The following GALNT7 variants were observed in gnomAD, a reference collection of about 807,000 sequenced individuals.
GALNT7 encodes the protein N-acetylgalactosaminyltransferase 7.
Under a neutral mutation model 82.1 loss-of-function variants are expected in GALNT7, and 60 were observed. That is an observed-to-expected ratio of 0.73 (90% CI 0.59 to 0.91). The LOEUF (loss-of-function observed/expected upper bound fraction) is 0.91. GALNT7 is among the 40% of genes least tolerant of loss of function. GALNT7 has a pLI of 0.00. For missense variants in GALNT7, 660 were observed against 804.2 expected (o/e 0.82, Z 2.17); for synonymous variants, 243 against 275.1 (o/e 0.88, Z 1.15).
At chr4:173,193,911 G>A (rs950127260) in intron 1 of GALNT7, among the ~76,000 whole-genome samples, 3 of 152,076 alleles carry the variant, frequency 2.0e-5, no homozygotes, top group Admixed American at 6.5e-5. Context: ...TTTTTAAAAG[G>A]AGGCTAAATA....
At chr4:173,319,787 A>G (rs1392658211) in intron 11 of GALNT7, among the ~76,000 whole-genome samples, 4 of 152,190 alleles carry the variant, frequency 2.6e-5, no homozygotes, top group Non-Finnish European at 5.9e-5. Flanking sequence ...GCACGCTATT[A>G]TATAATGGCA....
At chr4:173,293,564 A>G (rs1002290111) in intron 3 of GALNT7, among the ~76,000 whole-genome samples, 2 of 152,254 alleles carry the variant, frequency 1.3e-5, no homozygotes. Context: ...CTAAATGCAT[A>G]TAAAAGGAGC....
intron 1 of GALNT7, among the ~76,000 whole-genome samples, chr4:173,186,569 C>T (rs1453528460): frequency 6.6e-6 from 1 of 152,022 alleles, no homozygotes; most frequent in Non-Finnish European, 1.5e-5. Flanking sequence ...TGGATGAGCA[C>T]CATAATTTGT....
chr4:173,318,619 A>T lies in GALNT7; in HGVS notation c.1836+60A>T, dbSNP rs747168871. ...CTTTTCATTTTCAGTAACATCTAGC[A>T]TGTGGAATTTAGATAAATAAATCTT... On this transcript the variant is annotated intron_variant, in intron 11 of 11. Transcript: ENST00000265000. 2.8e-6 allele frequency: 3 copies of T among 1,057,066 alleles called. No individual in the cohort carries two copies. The South Asian group carries it at 4.2e-5, about 15-fold the overall frequency. 65.5% of individuals were successfully genotyped at this position (1,057,066 alleles called of 1,614,324 possible). A position where few individuals can be genotyped will look rare whatever the true frequency, so the allele number is the denominator to read the frequency against.
At chr4:173,313,475 G>T (rs1446517972) in intron 8 of GALNT7, among the ~76,000 whole-genome samples, 2 of 151,438 alleles carry the variant, frequency 1.3e-5, no homozygotes, top group Non-Finnish European at 1.5e-5. Flanking sequence ...GGAAGCTGAG[G>T]TGAGAGGATC....
intron 1 of GALNT7, among the ~76,000 whole-genome samples, chr4:173,189,153 CCT>C (rs1433878165): frequency 3.9e-5 from 6 of 152,276 alleles, no homozygotes; most frequent in African/African-American, 1.4e-4. Context: ...CATCTGAACA[CCT>C]CTCACTGATC....
At chr4:173,249,778 T>A (rs951979005) in intron 2 of GALNT7, among the ~76,000 whole-genome samples, 2 of 152,222 alleles carry the variant, frequency 1.3e-5, no homozygotes, top group African/African-American at 4.8e-5. Flanking sequence ...GTTCTGTGTT[T>A]TATCTGGCAG....
chr4:173,312,217 T>G (rs1737411752), intron 8 of GALNT7, among the ~76,000 whole-genome samples: 1 of 152,262 alleles, frequency 6.6e-6, no homozygotes, highest in Admixed American at 6.5e-5. Flanking sequence ...CATTTAGTGT[T>G]GCTACAACAG....
At position 173,285,641 on chromosome 4, in the gene GALNT7, C is replaced by T. The variant is rs138682815; in HGVS notation, c.588-6467C>T. Among the ~76,000 whole-genome samples the T allele has an allele frequency of 2.0e-3, 305 of 152,258 alleles. 1 individual carries two copies. The highest frequency in any genetic ancestry group is 6.3e-3 in the African/African-American group (260 of 41,528). ...TACTGCAAAATATTTTATTTCAGTG[C>T]TTATTATTCTTAGGCCAATTAATTG... is the stretch of plus-strand genomic sequence containing the variant. On this transcript the variant is annotated intron_variant, in intron 2 of 11. Coordinates refer to ENST00000265000, the MANE Select transcript of GALNT7 (RefSeq NM_017423.3).
chr4:173,168,941 A>C lies in GALNT7; in HGVS notation c.106A>C (p.Ser36Arg). 6.2e-7 allele frequency: 1 copy of C among 1,613,520 alleles called. No homozygotes were observed. The highest frequency in any genetic ancestry group is 8.5e-7 in the Non-Finnish European group (1 of 1,179,694). The part of the protein sequence containing the change: ...SSLTPRPDDP[S>R]PLSRMREDRD... ...CCTGACCCCGCGGCCGGACGACCCA[A>C]GCCCGCTGAGCAGGATGAGGGTGAG... The change falls in exon 1 of 12, where the codon AGC becomes CGC. Residue 36 changes from serine to arginine, a missense_variant. This residue lies in a region of GALNT7 where 133 missense variants were observed against 120.7 expected (regional missense o/e 1.10). Coordinates refer to ENST00000265000, the MANE Select transcript of GALNT7 (RefSeq NM_017423.3).
Position 173,248,350 on chromosome 4 carries a change from T to G in GALNT7, c.497T>G (p.Ile166Ser). The G allele has an allele frequency of 6.2e-7, 1 of 1,613,832 alleles. No homozygotes were observed. Among genetic ancestry groups the G allele is most frequent in the Non-Finnish European group, 8.5e-7 (1 of 1,179,814 alleles). The change falls in exon 2 of 12, where the codon ATT (isoleucine) becomes AGT (serine). Residue 166 changes from isoleucine (I) to serine (S), a missense_variant. By Grantham distance (142) the Ile-to-Ser change is moderately radical. This residue lies in a region of GALNT7 where 527 missense variants were observed against 683.5 expected (regional missense o/e 0.77). Transcript: ENST00000265000. ...TTGGGACCAGAATTCAAACAAGCAA[T>G]TCAAGCCAGCATTAAAGAGTTTGGA... is the stretch of plus-strand genomic sequence containing the variant. ...LVLGPEFKQA[I>S]QASIKEFGFN...
At chr4:173,239,483 T>TA (rs1217842834) in intron 1 of GALNT7, among the ~76,000 whole-genome samples, 2 of 152,172 alleles carry the variant, frequency 1.3e-5, no homozygotes, top group African/African-American at 4.8e-5. Flanking sequence ...AACATACAGA[T>TA]ACTAAGGCAA....
intron 1 of GALNT7, among the ~76,000 whole-genome samples, chr4:173,183,936 AG>A (rs1241072650): frequency 4.6e-5 from 7 of 150,786 alleles, no homozygotes; most frequent in African/African-American, 1.7e-4. Context: ...GCGGCCAGGC[AG>A]AGACGCTCCT....
At position 173,292,103 on chromosome 4, in the gene GALNT7, T is replaced by C. The variant is rs748878981; in HGVS notation, c.588-5T>C. On this transcript the variant is annotated splice_polypyrimidine_tract_variant and splice_region_variant and intron_variant, in intron 2 of 11. Transcript: ENST00000265000. The surrounding 1 kb of genome is among the most constrained non-coding windows in gnomAD (Gnocchi z 4.8). ...AATAAATATGATGAAATTTTCTCTT[T>C]ACAGATGCAAGTATTGGCATTATGA... The C allele has an allele frequency of 1.3e-6, 2 of 1,596,986 alleles. No individual in the cohort carries two copies. Among genetic ancestry groups the C allele is most frequent in the Non-Finnish European group, 1.7e-6 (2 of 1,168,558 alleles).
intron 8 of GALNT7, among the ~76,000 whole-genome samples, chr4:173,312,470 T>C (rs563030492): frequency 1.1e-4 from 17 of 152,182 alleles, no homozygotes; most frequent in Non-Finnish European, 2.4e-4. Context: ...ACGAATCCAC[T>C]TCTGTGAGAG....
chr4:173,269,307 T>C (rs1405247687), intron 2 of GALNT7, among the ~76,000 whole-genome samples: 1 of 152,252 alleles, frequency 6.6e-6, no homozygotes, highest in Admixed American at 6.5e-5. Context: ...TTATTATATG[T>C]TCCGCCCATA....
chr4:173,242,674 A>T (rs1734476372), intron 1 of GALNT7, among the ~76,000 whole-genome samples: 1 of 152,190 alleles, frequency 6.6e-6, no homozygotes. Flanking sequence ...ATCCAGCTGT[A>T]ACTAAGCAGA....
intron 1 of GALNT7, among the ~76,000 whole-genome samples, chr4:173,216,722 TA>T (rs1276454568): frequency 2.0e-4 from 9 of 44,068 alleles, no homozygotes; most frequent in African/African-American, 8.5e-4. Flanking sequence ...TATATATATA[TA>T]TATATTTTTT....
At chr4:173,203,854 C>G (rs577808280) in intron 1 of GALNT7, among the ~76,000 whole-genome samples, 2 of 152,310 alleles carry the variant, frequency 1.3e-5, no homozygotes, top group Admixed American at 1.3e-4. Flanking sequence ...AACCTTCATA[C>G]TAAAGTATAA....
Sources: allele counts gnomAD v4.1 joint callset (sites outside exome capture counted in the v4.1 genomes callset), GRCh38; gene constraint gnomAD v4.1.1; regional missense constraint gnomAD v4.1.1; non-coding constraint Gnocchi (gnomAD v3.1); transcripts MANE v1.5; gene names NCBI Gene and HGNC (gene_info 2026-07-23, HGNC 2026-07-21).